Variants in XYLT1 observed in about 807,000 individuals in gnomAD.
XYLT1 encodes the protein beta-D-xylosyltransferase 1.
In XYLT1, 36 loss-of-function variants were observed where a neutral mutation model predicts 91.3. That is an observed-to-expected ratio of 0.39 (90% confidence interval 0.30 to 0.52). The LOEUF (loss-of-function observed/expected upper bound fraction) is 0.52, where lower values mean the gene tolerates loss of function less well. Ranked by LOEUF, XYLT1 falls within the 20% of genes least tolerant of loss-of-function variation. XYLT1 has a pLI of 0.68. For missense variants in XYLT1, 1,242 were observed against 1,284.5 expected, an observed-to-expected ratio of 0.97 and a Z score of 0.51; for synonymous variants, 588 against 532.0, an observed-to-expected ratio of 1.11 and a Z score of -1.45.
chr16:17,204,074 G>A (rs1469466932), intron 3 of XYLT1, among the ~76,000 whole-genome samples: 2 of 152,198 alleles, frequency 1.3e-5, no homozygotes, highest in African/African-American at 4.8e-5. Flanking sequence ...CAGTGAGTGA[G>A]GACAGAGGTG....
intron 2 of XYLT1, among the ~76,000 whole-genome samples, chr16:17,272,339 C>A (rs776480918): frequency 1.6e-4 from 25 of 151,584 alleles, no homozygotes; most frequent in Middle Eastern, 3.4e-3. Context: ...ATTTTTTGTA[C>A]TTTTAGTAGA....
rs148006668 is a variant in XYLT1 at position 17,332,496 on chromosome 16, A to G, written c.402+25516T>C. 4.0e-3 allele frequency among the ~76,000 whole-genome samples: 598 copies of G among 151,302 alleles called. 6 individuals carry two copies. Among genetic ancestry groups the G allele is most frequent in the African/African-American group, 0.014 (572 of 41,228 alleles). ...AGAATCACTTGGACCCGGGAAGCGGAGGTTGCAGTGAGCCAAGATCGTGCC... is the reference window on the plus strand; with the variant it reads ...AGAATCACTTGGACCCGGGAAGCGGGGGTTGCAGTGAGCCAAGATCGTGCC... On this transcript the variant is annotated intron_variant, in intron 2 of 11. Transcript: ENST00000261381.
chr16:17,174,769 T>C (rs2031902181), intron 5 of XYLT1, among the ~76,000 whole-genome samples: 2 of 152,200 alleles, frequency 1.3e-5, no homozygotes, highest in South Asian at 2.1e-4. Context: ...TTTTGGCATA[T>C]TAAATATAAC....
intron 3 of XYLT1, among the ~76,000 whole-genome samples, chr16:17,245,004 T>C (rs2141739483): frequency 6.6e-6 from 1 of 152,228 alleles, no homozygotes; most frequent in Non-Finnish European, 1.5e-5. Context: ...TTTCATATGA[T>C]TTATGAATCT....
intron 2 of XYLT1, among the ~76,000 whole-genome samples, chr16:17,339,287 A>G (rs958872273): frequency 5.9e-5 from 9 of 152,196 alleles, no homozygotes; most frequent in Admixed American, 2.6e-4. Flanking sequence ...TCTAACTGAA[A>G]TTTAGCATGA....
rs1361323438 is a variant in XYLT1, at chr16:17,312,160, A to T, written c.402+45852T>A. 1.3e-5 allele frequency among the ~76,000 whole-genome samples: 2 copies of T among 152,294 alleles called. No individual in the cohort carries two copies. The highest frequency in any genetic ancestry group is 3.9e-4 in the East Asian group (2 of 5,186). ...GACAAGAGGAAGAGGGGCGTTCTAG[A>T]CACACAGCACTGCCCAAGCCAAATG... On this transcript the variant is annotated intron_variant, in intron 2 of 11. Coordinates refer to ENST00000261381, the MANE Select transcript of XYLT1 (RefSeq NM_022166.4). The surrounding 1 kb of genome is among the most constrained non-coding windows in gnomAD (Gnocchi z 4.4).
chr16:17,326,668 C>CA (rs1300587889), intron 2 of XYLT1, among the ~76,000 whole-genome samples: 1 of 151,676 alleles, frequency 6.6e-6, no homozygotes, highest in African/African-American at 2.4e-5. Context: ...TTAAAAAATA[C>CA]AAAAAAATTA....
At chr16:17,110,469 G>A (rs899429893) in intron 11 of XYLT1, among the ~76,000 whole-genome samples, 3 of 152,112 alleles carry the variant, frequency 2.0e-5, no homozygotes, top group African/African-American at 4.8e-5. Context: ...TTGCACAGGC[G>A]CTCTGGCCTG....
At chr16:17,273,097 C>A (rs549802061) in intron 2 of XYLT1, among the ~76,000 whole-genome samples, 3 of 152,122 alleles carry the variant, frequency 2.0e-5, no homozygotes, top group African/African-American at 7.2e-5. Context: ...ATGTCCTGTG[C>A]GTAAACAACT....
At chr16:17,336,842 G>C (rs1223154914) in intron 2 of XYLT1, among the ~76,000 whole-genome samples, 1 of 152,206 alleles carries the variant, frequency 6.6e-6, no homozygotes, top group African/African-American at 2.4e-5. Context: ...ATCGTGTCAA[G>C]CAGTCCTAGA....
intron 10 of XYLT1, among the ~76,000 whole-genome samples, chr16:17,122,318 G>A (rs1425630202): frequency 4.6e-5 from 7 of 152,084 alleles, no homozygotes; most frequent in Non-Finnish European, 7.4e-5. Flanking sequence ...ATTGCATTGT[G>A]GTTTTGATTT....
chr16:17,272,672 G>A (rs976060143), intron 2 of XYLT1, among the ~76,000 whole-genome samples: 1 of 152,120 alleles, frequency 6.6e-6, no homozygotes, highest in East Asian at 1.9e-4. Flanking sequence ...AGATTTCTAC[G>A]CATGACAGTT....
chr16:17,173,738 G>C (rs2031879812), intron 5 of XYLT1, among the ~76,000 whole-genome samples: 1 of 152,254 alleles, frequency 6.6e-6, no homozygotes, highest in Non-Finnish European at 1.5e-5. Flanking sequence ...ACGTGCTGCT[G>C]TTCTGCAGAA....
chr16:17,277,322 C>T (rs990552344), intron 2 of XYLT1, among the ~76,000 whole-genome samples: 3 of 151,340 alleles, frequency 2.0e-5, no homozygotes, highest in African/African-American at 4.9e-5. Flanking sequence ...AGGTAGTGAG[C>T]GTAGTACCCA....
intron 3 of XYLT1, among the ~76,000 whole-genome samples, chr16:17,242,691 A>G (rs988455799): frequency 6.6e-5 from 10 of 152,242 alleles, no homozygotes; most frequent in Non-Finnish European, 1.2e-4. Flanking sequence ...GTATATTCAT[A>G]TTGTTGTGCA....
intron 2 of XYLT1, among the ~76,000 whole-genome samples, chr16:17,320,876 G>A (rs1458848628): frequency 6.6e-6 from 1 of 150,550 alleles, no homozygotes; most frequent in Non-Finnish European, 1.5e-5. Context: ...AATTGTTTTT[G>A]GCACTGCATG....
chr16:17,304,433 T>A (rs953761910), intron 2 of XYLT1, among the ~76,000 whole-genome samples: 1 of 151,962 alleles, frequency 6.6e-6, no homozygotes, highest in Non-Finnish European at 1.5e-5. Context: ...AAATGCTGTA[T>A]GTGGATGGTA....
chr16:17,134,627 G>A lies in XYLT1; in HGVS notation c.1873C>T (p.Pro625Ser). 6.2e-7 allele frequency: 1 copy of A among 1,614,198 alleles called. No individual in the cohort carries two copies. The highest frequency in any genetic ancestry group is 8.5e-7 in the Non-Finnish European group (1 of 1,180,046). ...TTCTCCCAGTAGGAGCGCAGGCCCG[G>A]GGTACCTGCAGGGTAGTTCCCGTAC... ...YLYGNYPAGT[P>S]GLRSYWENVY... The change falls in exon 9 of 12, where the codon CCG (proline) becomes TCG (serine). Residue 625 changes from proline to serine, a missense_variant. Around this residue, in one of 3 missense-constraint regions of XYLT1, gnomAD observed 511 missense variants for 497.0 expected, o/e 1.03. Coordinates refer to ENST00000261381, the MANE Select transcript of XYLT1 (RefSeq NM_022166.4).
chr16:17,127,188 T>C (rs2030291688), intron 10 of XYLT1, among the ~76,000 whole-genome samples: 1 of 152,196 alleles, frequency 6.6e-6, no homozygotes, highest in African/African-American at 2.4e-5. Flanking sequence ...ATATATTCAG[T>C]GATTGATCTG....
Sources: gnomAD v4.1 joint callset for allele counts (sites outside exome capture counted in the v4.1 genomes callset) on GRCh38, gnomAD v4.1.1 for gene constraint, gnomAD v4.1.1 regional missense constraint, Gnocchi (gnomAD v3.1) non-coding constraint, MANE v1.5 for transcripts, NCBI Gene and HGNC (gene_info 2026-07-23, HGNC 2026-07-21) for gene names.